HLCS: variants seen among roughly 807,000 people sequenced by gnomAD.
The protein encoded by HLCS is holocarboxylase synthetase.
In HLCS, 53 loss-of-function variants were observed where a neutral mutation model predicts 75.0. The ratio of observed to expected loss-of-function variants is 0.71; its 90% confidence interval spans 0.57 to 0.89. The LOEUF is 0.89. Ranked by LOEUF, HLCS falls within the 40% of genes least tolerant of loss-of-function variation. HLCS has a pLI of 0.00. For missense variants in HLCS, 966 were observed against 1,074.0 expected (o/e 0.90, Z 1.41); for synonymous variants, 431 against 428.6 (o/e 1.01, Z -0.07).
At chr21:36,897,167 T>A in intron 5 of HLCS, 36 bp from the exon 6 acceptor site, 1 of 1,612,752 alleles carries the variant, frequency 6.2e-7, no homozygotes, top group Non-Finnish European at 8.5e-7. Context: ...TGGTCGTAAT[T>A]TGGCATTACA....
intron 6 of HLCS, among the ~76,000 whole-genome samples, chr21:36,777,585 T>C (rs1156630161): frequency 1.3e-5 from 2 of 152,266 alleles, no homozygotes; most frequent in African/African-American, 4.8e-5. Context: ...TCTCCTTTAA[T>C]CTGGTTCAGT....
chr21:36,921,911 A>AC (rs2066186580), intron 5 of HLCS, among the ~76,000 whole-genome samples: 1 of 152,198 alleles, frequency 6.6e-6, no homozygotes, highest in African/African-American at 2.4e-5. Flanking sequence ...GGGAGAAATG[A>AC]CCACTCCACA....
intron 6 of HLCS, among the ~76,000 whole-genome samples, chr21:36,870,915 C>T (rs2063747116): frequency 6.6e-6 from 1 of 152,308 alleles, no homozygotes; most frequent in Non-Finnish European, 1.5e-5. Context: ...CCCCCCACTC[C>T]ACCTTCAACT....
At chr21:36,759,989 C>A in intron 8 of HLCS, 148 bp from the exon 9 acceptor site, 1 of 703,804 alleles carries the variant, frequency 1.4e-6, no homozygotes. Context: ...TTCTTTGGGA[C>A]AATCCGATAT....
chr21:36,757,560 T>C (rs2089651775), intron 9 of HLCS, among the ~76,000 whole-genome samples: 1 of 152,116 alleles, frequency 6.6e-6, no homozygotes, highest in Non-Finnish European at 1.5e-5. Context: ...GTAAGAAAAC[T>C]ACCATGTTTT....
chr21:36,789,182 GTAACTGGGA>G (rs2060785961), intron 6 of HLCS, among the ~76,000 whole-genome samples: 2 of 152,154 alleles, frequency 1.3e-5, no homozygotes, highest in Admixed American at 6.5e-5. Context: ...AGCCTCCCAA[GTAACTGGGA>G]CCACAGGTGT....
chr21:36,800,073 T>C (rs559233453), intron 6 of HLCS, among the ~76,000 whole-genome samples: 1 of 152,228 alleles, frequency 6.6e-6, no homozygotes, highest in East Asian at 1.9e-4. Flanking sequence ...TGATCAACAT[T>C]AGACACTGAA....
chr21:36,980,531 T>G (rs556365095), intron 1 of HLCS: 6 of 152,324 alleles, frequency 3.9e-5, no homozygotes, highest in Admixed American at 1.3e-4. Flanking sequence ...CCGTGGAATC[T>G]GGTAAGTTCT....
chr21:36,771,641 G>T (rs2060209470), intron 6 of HLCS, among the ~76,000 whole-genome samples: 1 of 152,158 alleles, frequency 6.6e-6, no homozygotes, highest in Non-Finnish European at 1.5e-5. Flanking sequence ...ACACTTTTAG[G>T]TGATTTAATC....
chr21:36,774,106 T>C (rs963820576), intron 6 of HLCS, among the ~76,000 whole-genome samples: 1 of 152,110 alleles, frequency 6.6e-6, no homozygotes, highest in African/African-American at 2.4e-5. Flanking sequence ...GTGAGGCCCA[T>C]GAGACAGCTG....
chr21:36,928,130 A>G (rs985723587), intron 5 of HLCS, among the ~76,000 whole-genome samples: 3 of 152,216 alleles, frequency 2.0e-5, no homozygotes, highest in African/African-American at 4.8e-5. Context: ...CTGCCTCCGG[A>G]AAGACCACCT....
chr21:36,874,404 AAAAATAAAAT>A lies in HLCS; in HGVS notation c.1892+22446_1892+22455del, dbSNP rs201422824. 4.1e-4 allele frequency among the ~76,000 whole-genome samples: 50 copies of A among 121,870 alleles called. 1 individual carries two copies. The highest frequency in any genetic ancestry group is 2.8e-3 in the Admixed American group (37 of 13,434). 80.0% of individuals were successfully genotyped at this position (121,870 alleles called of 152,430 possible). On this transcript the variant is annotated intron_variant, in intron 6 of 10. Coordinates refer to ENST00000674895, the MANE Select transcript of HLCS (RefSeq NM_001352514.2). ...GCGACAGAGCGAGACTCCGTCTCAA[AAAAATAAAAT>A]AAAATAAAATAAAATAAAATAAATA...
chr21:36,757,462 G>C (rs1320609254), intron 9 of HLCS, among the ~76,000 whole-genome samples: 1 of 152,134 alleles, frequency 6.6e-6, no homozygotes, highest in African/African-American at 2.4e-5. Flanking sequence ...GGTGTCTTCA[G>C]AAAAGCTGGA....
intron 6 of HLCS, among the ~76,000 whole-genome samples, chr21:36,844,355 G>A (rs1225220902): frequency 1.3e-5 from 2 of 152,144 alleles, no homozygotes; most frequent in African/African-American, 2.4e-5. Flanking sequence ...AGGGGGATTC[G>A]GCGGGCGAGA....
chr21:36,961,956 GAAAA>G (rs58618927), intron 2 of HLCS, 76 bp downstream of exon 2: 59 of 674,742 alleles, frequency 8.7e-5, no homozygotes, highest in Admixed American at 1.1e-4. Flanking sequence ...TCTGTCTCAG[GAAAA>G]AAAAAAAAAA....
intron 6 of HLCS, among the ~76,000 whole-genome samples, chr21:36,851,195 T>G (rs1175601523): frequency 6.6e-6 from 1 of 152,164 alleles, no homozygotes. Context: ...CCCAAAAGAA[T>G]GGAAACCAGG....
chr21:36,982,893 G>A lies in HLCS; in HGVS notation c.-393+7265C>T, dbSNP rs111598735. 5.2e-3 allele frequency among the ~76,000 whole-genome samples: 788 copies of A among 152,248 alleles called. 2 individuals carry two copies. Among genetic ancestry groups the A allele is most frequent in the Middle Eastern group, 0.048 (14 of 294 alleles). On this transcript the variant is annotated intron_variant, in intron 1 of 11. Coordinates refer to the HLCS transcript ENST00000336648. The stretch of plus-strand genomic sequence containing the variant: ...AAAATACAAAAATTAGCCAGCCATG[G>A]TGGCACGCACCTGTAATCCCAGCTA...
At chr21:36,907,145 T>C (rs1329185416) in intron 5 of HLCS, among the ~76,000 whole-genome samples, 1 of 152,170 alleles carries the variant, frequency 6.6e-6, no homozygotes, top group Non-Finnish European at 1.5e-5. Flanking sequence ...AACCTTGATC[T>C]CTATCTCACA....
At chr21:36,856,995 C>G (rs1444374483) in intron 6 of HLCS, among the ~76,000 whole-genome samples, 3 of 152,222 alleles carry the variant, frequency 2.0e-5, no homozygotes, top group Non-Finnish European at 4.4e-5. Context: ...CCCACATTAA[C>G]TGAAAGTCAC....
Sources: gnomAD v4.1 joint callset for allele counts (sites outside exome capture counted in the v4.1 genomes callset) on GRCh38, gnomAD v4.1.1 for gene constraint, MANE v1.5 for transcripts, NCBI Gene and HGNC (gene_info 2026-07-23, HGNC 2026-07-21) for gene names.